Variants in ENTREP2 observed in about 807,000 individuals in gnomAD.
ENTREP2 encodes endosomal transmembrane epsin interactor 2.
chr15:29,195,195 C>T, the ENTREP2 span: 5 of 985,298 alleles, frequency 5.1e-6, no homozygotes, highest in Admixed American at 1.8e-4. Flanking sequence ...TGGTGAGCTG[C>T]TGGGACCATC....
At chr15:29,570,391 G>A in the ENTREP2 span, 7 of 575,156 alleles carry the variant, frequency 1.2e-5, no homozygotes, top group Non-Finnish European at 1.8e-5. Context: ...ACTCGGCCCC[G>A]GCGTTGGCCG....
chr15:29,368,337 A>AAAAAAATAT, the ENTREP2 span, among the ~76,000 whole-genome samples: 14 of 146,098 alleles, frequency 9.6e-5, no homozygotes, highest in Non-Finnish European at 1.9e-4. Flanking sequence ...CAAAAAAAAA[A>AAAAAAATAT]ATATATATAT....
chr15:29,531,518 G>A, the ENTREP2 span, among the ~76,000 whole-genome samples: 1 of 152,100 alleles, frequency 6.6e-6, no homozygotes, highest in African/African-American at 2.4e-5. Context: ...GGCCAACCAT[G>A]GGGACGGAAG....
At chr15:29,490,967 G>A in the ENTREP2 span, among the ~76,000 whole-genome samples, 12 of 152,172 alleles carry the variant, frequency 7.9e-5, no homozygotes, top group Admixed American at 3.9e-4. Context: ...CGGGCAGCAC[G>A]GGAGCCCACT....
the ENTREP2 span, among the ~76,000 whole-genome samples, chr15:29,657,998 G>A: frequency 1.3e-5 from 2 of 152,144 alleles, no homozygotes; most frequent in Admixed American, 6.5e-5. Context: ...GATTCTAAAG[G>A]CCATATGATA....
At chr15:29,142,339 C>T in the ENTREP2 span, among the ~76,000 whole-genome samples, 5 of 152,336 alleles carry the variant, frequency 3.3e-5, no homozygotes, top group African/African-American at 7.2e-5. Context: ...CAAAGAAAAA[C>T]GATTGTGTGT....
chr15:29,435,839 G>A, the ENTREP2 span, among the ~76,000 whole-genome samples: 1 of 151,956 alleles, frequency 6.6e-6, no homozygotes, highest in Non-Finnish European at 1.5e-5. Context: ...TGGAGTTTTC[G>A]GTTTTAGTGC....
At chr15:29,595,841 T>G in the ENTREP2 span, among the ~76,000 whole-genome samples, 2 of 152,218 alleles carry the variant, frequency 1.3e-5, no homozygotes, top group African/African-American at 2.4e-5. Context: ...GTTCTAGCTT[T>G]GGACTTTGGG....
the ENTREP2 span, among the ~76,000 whole-genome samples, chr15:29,450,926 G>C: frequency 6.6e-6 from 1 of 151,936 alleles, no homozygotes; most frequent in African/African-American, 2.4e-5. Flanking sequence ...AGAAAGAGGG[G>C]AACAACAGAC....
At chr15:29,480,338 CAAAAAAAAA>C in the ENTREP2 span, among the ~76,000 whole-genome samples, 319 of 29,432 alleles carry the variant, frequency 0.011, 1 homozygote, top group African/African-American at 0.028. Flanking sequence ...TTCACTATAG[CAAAAAAAAA>C]AAAAAAAAAA....
the ENTREP2 span, among the ~76,000 whole-genome samples, chr15:29,325,946 G>A: frequency 6.6e-6 from 1 of 152,108 alleles, no homozygotes; most frequent in Admixed American, 6.5e-5. Flanking sequence ...TTGAAAATCA[G>A]TCAATGCAAT....
At chr15:29,191,871 G>A in the ENTREP2 span, among the ~76,000 whole-genome samples, 3 of 152,148 alleles carry the variant, frequency 2.0e-5, no homozygotes, top group African/African-American at 4.8e-5. Flanking sequence ...CCGTGATCAC[G>A]CCACTGCACT....
At chr15:29,137,362 C>T in the ENTREP2 span, among the ~76,000 whole-genome samples, 643 of 152,264 alleles carry the variant, frequency 4.2e-3, 4 homozygotes, top group African/African-American at 0.015. Context: ...CCAGGAGGAA[C>T]GCCTCGTCTC....
At chr15:29,371,095 C>A in the ENTREP2 span, among the ~76,000 whole-genome samples, 3 of 152,000 alleles carry the variant, frequency 2.0e-5, no homozygotes. Flanking sequence ...ACTTGAGGTA[C>A]CTCTGAACCC....
the ENTREP2 span, among the ~76,000 whole-genome samples, chr15:29,343,541 G>C: frequency 6.6e-6 from 1 of 151,494 alleles, no homozygotes; most frequent in African/African-American, 2.4e-5. Flanking sequence ...CCACAATCAG[G>C]TGAGTCCATT....
chr15:29,334,703 C>T, the ENTREP2 span, among the ~76,000 whole-genome samples: 3 of 152,178 alleles, frequency 2.0e-5, no homozygotes, highest in Non-Finnish European at 4.4e-5. Flanking sequence ...GCACACCGGC[C>T]GGCCTGTGAC....
At chr15:29,443,801 C>T in the ENTREP2 span, among the ~76,000 whole-genome samples, 1 of 151,906 alleles carries the variant, frequency 6.6e-6, no homozygotes, top group Non-Finnish European at 1.5e-5. Context: ...AGTGAATCTG[C>T]ATCTTACATA....
chr15:29,417,828 G>C, the ENTREP2 span, among the ~76,000 whole-genome samples: 1 of 152,124 alleles, frequency 6.6e-6, no homozygotes, highest in African/African-American at 2.4e-5. Flanking sequence ...ATGAACAGGA[G>C]TGGAGTCATG....
At chr15:29,609,240 T>C in the ENTREP2 span, among the ~76,000 whole-genome samples, 2 of 150,174 alleles carry the variant, frequency 1.3e-5, no homozygotes, top group Non-Finnish European at 3.0e-5. Context: ...TAGAATCTGG[T>C]TTATTCTTTA....
Sources: gnomAD v4.1 joint callset for allele counts (sites outside exome capture counted in the v4.1 genomes callset) on GRCh38, gnomAD v4.1.1 for gene constraint, MANE v1.5 for transcripts, NCBI Gene and HGNC (gene_info 2026-07-23, HGNC 2026-07-21) for gene names.